SGSM3: variants seen among roughly 807,000 people sequenced by gnomAD.
The protein encoded by SGSM3 is small G protein signaling modulator 3, also known as RUN and SH3 containing 3.
A neutral mutation model predicts 100.5 loss-of-function variants in SGSM3; 96 were observed. The observed-to-expected ratio is 0.96, with a 90% CI of 0.81 to 1.13. The LOEUF (loss-of-function observed/expected upper bound fraction) is 1.13, where lower values mean the gene tolerates loss of function less well. Ranked by LOEUF, SGSM3 falls within the 50% of genes most tolerant of loss-of-function variation. The pLI is 0.00. For synonymous variants in SGSM3, 483 were observed against 422.8 expected (o/e 1.14, Z -1.75); for missense variants, 1,001 against 1,015.8 (o/e 0.99, Z 0.20).
In SGSM3 at chr22:40,398,916, G is replaced by A. The variant is rs182167658; in HGVS notation, c.-111-1780G>A. Among the ~76,000 whole-genome samples the A allele has an allele frequency of 7.9e-5, 11 of 139,850 alleles. 2 individuals carry two copies. The South Asian group carries it at 1.1e-3, about 14-fold the overall frequency. The allele number at this position is 139,850 out of a possible 152,430, so 91.7% of individuals were successfully genotyped here. On this transcript the variant is annotated intron_variant, in intron 1 of 21. Coordinates refer to ENST00000248929, the MANE Select transcript of SGSM3 (RefSeq NM_015705.6). ...ACAGACGTGAAGTAAACTTGCCCAC[G>A]GTTATAACAAGTGGGCACAGGCCCA...
Position 40,407,162 on chromosome 22 carries a change from G to A in SGSM3, c.1241-39G>A. 1 of 1,612,872 alleles carries A rather than the reference G, an allele frequency of 6.2e-7. No individual in the cohort carries two copies. Among genetic ancestry groups the A allele is most frequent in the Non-Finnish European group, 8.5e-7 (1 of 1,179,362 alleles). On this transcript the variant is annotated intron_variant, in intron 11 of 21. Coordinates refer to ENST00000248929, the MANE Select transcript of SGSM3 (RefSeq NM_015705.6). The surrounding 1 kb of genome is among the most constrained non-coding windows in gnomAD (Gnocchi z 4.7). ...GTGGAGCTTCCTCCTCGGGGGCCTG[G>A]AGTGGGCTGTGGTCACCATGGTTCT...
At chr22:40,392,403 G>A (rs1601923190) in intron 1 of SGSM3, among the ~76,000 whole-genome samples, 1 of 151,914 alleles carries the variant, frequency 6.6e-6, no homozygotes, top group East Asian at 1.9e-4. Context: ...AGTTACAAAT[G>A]AGAGAGAAGG....
At chr22:40,379,840 T>C (rs1172846642) in intron 1 of SGSM3, among the ~76,000 whole-genome samples, 1 of 152,028 alleles carries the variant, frequency 6.6e-6, no homozygotes, top group Non-Finnish European at 1.5e-5. Context: ...TCCTGAGTAA[T>C]CTGGGACTAC....
intron 1 of SGSM3, among the ~76,000 whole-genome samples, chr22:40,394,862 C>T (rs1417970885): frequency 6.6e-6 from 1 of 152,148 alleles, no homozygotes; most frequent in Non-Finnish European, 1.5e-5. Flanking sequence ...AACCCCTCCA[C>T]TCCTACCTGC....
intron 1 of SGSM3, among the ~76,000 whole-genome samples, chr22:40,383,629 T>C (rs975069820): frequency 1.3e-5 from 2 of 151,854 alleles, no homozygotes; most frequent in Non-Finnish European, 2.9e-5. Context: ...ACAATATAAA[T>C]AAAGGCACAG....
intron 1 of SGSM3, among the ~76,000 whole-genome samples, chr22:40,380,225 G>A (rs1298825107): frequency 6.6e-6 from 1 of 152,052 alleles, no homozygotes; most frequent in Non-Finnish European, 1.5e-5. Flanking sequence ...TGCTGTGTGT[G>A]TATTTGTATG....
At chr22:40,371,128 C>T (rs1326672011) in intron 1 of SGSM3, among the ~76,000 whole-genome samples, 1 of 152,204 alleles carries the variant, frequency 6.6e-6, no homozygotes, top group East Asian at 1.9e-4. Context: ...GATTCAGATC[C>T]AGGTGCAGAA....
At chr22:40,396,032 T>C (rs1601957106) in intron 1 of SGSM3, among the ~76,000 whole-genome samples, 1 of 152,206 alleles carries the variant, frequency 6.6e-6, no homozygotes, top group East Asian at 1.9e-4. Flanking sequence ...AAACCAGTAT[T>C]TGGTACCCTT....
At chr22:40,374,758 T>C (rs2046271148) in intron 1 of SGSM3, among the ~76,000 whole-genome samples, 1 of 152,218 alleles carries the variant, frequency 6.6e-6, no homozygotes, top group African/African-American at 2.4e-5. Context: ...TGTGCGCCTG[T>C]GGTCCCAGCT....
intron 1 of SGSM3, among the ~76,000 whole-genome samples, chr22:40,400,271 T>G (rs1018784899): frequency 6.6e-6 from 1 of 152,230 alleles, no homozygotes; most frequent in African/African-American, 2.4e-5. Context: ...TCTTGAAATC[T>G]TTCAACCACA....
intron 1 of SGSM3, among the ~76,000 whole-genome samples, chr22:40,378,635 G>A (rs940385599): frequency 6.6e-6 from 1 of 151,680 alleles, no homozygotes; most frequent in Admixed American, 6.6e-5. Flanking sequence ...AGGAAGCTGA[G>A]GCAGAAGAGG....
Position 40,404,430 on chromosome 22 carries a change from G to C in SGSM3, c.341G>C (p.Gly114Ala). The C allele has an allele frequency of 6.2e-7, 1 of 1,604,644 alleles. No individual in the cohort carries two copies. Among genetic ancestry groups the C allele is most frequent in the Non-Finnish European group, 8.5e-7 (1 of 1,174,818 alleles). Residue 114 changes from glycine to alanine, a missense_variant, in exon 5 of 22, where the codon GGC (glycine) becomes GCC (alanine). Gly to Ala is a moderately conservative substitution (Grantham distance 60). Transcript: ENST00000248929. ...SEKLRSLVLAGIPHGMRPQLW... is the reference protein window; with the variant it reads ...SEKLRSLVLAAIPHGMRPQLW... ...AAGCTCCGCTCCCTGGTGCTGGCCG[G>C]CATCCCACATGGCATGAGGCCACAG...
rs142479711 is a variant in SGSM3, at chr22:40,406,500, G to A, written c.1023G>A (p.Pro341=). The A allele has an allele frequency of 1.4e-4, 225 of 1,611,530 alleles. No individual in the cohort carries two copies. The highest frequency in any genetic ancestry group is 5.0e-5 in the Admixed American group (3 of 59,922). ...ASIFNTLSDI[P]SQMEDAELLL... ...TCTTCAACACGCTATCGGATATCCC[G>A]TCGCAGATGGAGGACGCGGAGCTGC... The change falls in exon 10 of 22, where the codon CCG becomes CCA. Residue 341 remains proline, a synonymous_variant. Coordinates refer to ENST00000248929, the MANE Select transcript of SGSM3 (RefSeq NM_015705.6).
chr22:40,377,088 T>C (rs1438244061), intron 1 of SGSM3, among the ~76,000 whole-genome samples: 2 of 152,198 alleles, frequency 1.3e-5, no homozygotes, highest in Non-Finnish European at 2.9e-5. Flanking sequence ...AGCATCACAT[T>C]TTGAGAAAAT....
Position 40,407,209 on chromosome 22 carries a change from G to A in SGSM3, c.1249G>A (p.Asp417Asn), listed in dbSNP as rs2051699851. 1 of 1,613,496 alleles carries A rather than the reference G, an allele frequency of 6.2e-7. No individual in the cohort carries two copies. The highest frequency in any genetic ancestry group is 1.3e-5 in the African/African-American group (1 of 74,924). ...TITALLFGED[D>N]LEALKAKNIK... ...TTCTCTGGGCCTCCTAGGGGAGGAT[G>A]ACCTGGAGGCACTCAAGGCCAAGAA... is the stretch of plus-strand genomic sequence containing the variant. Residue 417 changes from aspartate (D) to asparagine (N), a missense_variant, in exon 12 of 22, where the codon GAC becomes AAC. Coordinates refer to ENST00000248929, the MANE Select transcript of SGSM3 (RefSeq NM_015705.6). The surrounding 1 kb of genome is among the most constrained non-coding windows in gnomAD (Gnocchi z 4.7).
In SGSM3 at chr22:40,409,945, A is replaced by G; in HGVS notation, c.*186A>G. On this transcript the variant is annotated 3_prime_UTR_variant, in exon 22 of 22. Transcript: ENST00000248929. ...GGAGCAGAGGGTACCCTGCCCCACCAGGGTCCTTAGGGATGCTCTAGGCCA... is the reference window on the plus strand; with the variant it reads ...GGAGCAGAGGGTACCCTGCCCCACCGGGGTCCTTAGGGATGCTCTAGGCCA... 7.2e-7 allele frequency: 1 copy of G among 1,398,534 alleles called. No homozygotes were observed. Among genetic ancestry groups the G allele is most frequent in the South Asian group, 1.7e-5 (1 of 57,960 alleles). The allele number at this position is 1,398,534 out of a possible 1,614,324, so 86.6% of individuals were successfully genotyped here.
chr22:40,394,056 C>G (rs75748221), intron 1 of SGSM3, among the ~76,000 whole-genome samples: 7,546 of 152,252 alleles, frequency 0.05, 660 homozygotes, highest in Admixed American at 0.24. Flanking sequence ...TGCCTAACTT[C>G]TAAATGTTGG....
chr22:40,392,475 T>G (rs1312712840), intron 1 of SGSM3, among the ~76,000 whole-genome samples: 1 of 152,126 alleles, frequency 6.6e-6, no homozygotes, highest in Non-Finnish European at 1.5e-5. Context: ...TTTCTTTCCT[T>G]GGTTTTGTAT....
chr22:40,388,473 T>TCAGAGATGAGGCTG (rs1209526574), intron 1 of SGSM3, among the ~76,000 whole-genome samples: 6 of 152,180 alleles, frequency 3.9e-5, no homozygotes, highest in Non-Finnish European at 5.9e-5. Flanking sequence ...AGGCAGGTGT[T>TCAGAGATGAGGCTG]CAGAGATGAG....
Sources: allele counts gnomAD v4.1 joint callset (sites outside exome capture counted in the v4.1 genomes callset), GRCh38; gene constraint gnomAD v4.1.1; non-coding constraint Gnocchi (gnomAD v3.1); transcripts MANE v1.5; gene names NCBI Gene and HGNC (gene_info 2026-07-23, HGNC 2026-07-21).